Variants in ADAMTS15 observed in about 807,000 individuals in gnomAD.
ADAMTS15 encodes the protein ADAM metallopeptidase with thrombospondin type 1 motif 15.
A neutral mutation model predicts 79.1 loss-of-function variants in ADAMTS15; 35 were observed. The ratio of observed to expected loss-of-function variants is 0.44; its 90% CI spans 0.34 to 0.59. The LOEUF is 0.59. ADAMTS15 is among the 20% of genes least tolerant of loss of function. ADAMTS15 has a pLI of 0.02. For missense variants in ADAMTS15, 1,324 were observed against 1,318.7 expected, an observed-to-expected ratio of 1.00 and a Z score of -0.06; for synonymous variants, 616 against 567.3, an observed-to-expected ratio of 1.09 and a Z score of -1.22.
intron 5 of ADAMTS15, among the ~76,000 whole-genome samples, chr11:130,470,205 T>C (rs1443652802): frequency 3.8e-4 from 24 of 62,696 alleles, no homozygotes; most frequent in African/African-American, 1.6e-3. Flanking sequence ...TATATATATA[T>C]ATATGTATAT....
At position 130,470,838 on chromosome 11, in the gene ADAMTS15, G is replaced by A. The variant is rs1044658304; in HGVS notation, c.1721-82G>A. 6.8e-6 allele frequency: 10 copies of A among 1,474,196 alleles called. No homozygotes were observed. The East Asian group carries it at 1.1e-4, about 17-fold the overall frequency. 91.3% of individuals were successfully genotyped at this position (1,474,196 alleles called of 1,614,324 possible). The stretch of plus-strand genomic sequence containing the variant: ...GGGTGGGAAGGGCTAAGAGAGCCAC[G>A]GCAGGCTGGGAGGGAGGCTTGTCCT... On this transcript the variant is annotated intron_variant, in intron 5 of 7. Transcript: ENST00000299164.
chr11:130,464,928 C>T (rs926999111), intron 4 of ADAMTS15, among the ~76,000 whole-genome samples: 4 of 150,164 alleles, frequency 2.7e-5, no homozygotes, highest in Non-Finnish European at 5.9e-5. Flanking sequence ...GATCACGCCA[C>T]TGCACTCCAG....
intron 1 of ADAMTS15, chr11:130,450,207 G>T: frequency 1.0e-6 from 1 of 985,488 alleles, no homozygotes; most frequent in South Asian, 4.7e-5. Context: ...CAGGCGCCGA[G>T]GGGCCGGAAC....
chr11:130,467,724 T>C (rs778753258), intron 4 of ADAMTS15, among the ~76,000 whole-genome samples: 3 of 149,642 alleles, frequency 2.0e-5, no homozygotes, highest in Non-Finnish European at 4.4e-5. Flanking sequence ...GAAAACATCA[T>C]GGACAATGTA....
rs1382079438 is a variant in ADAMTS15, at chr11:130,462,536, T to C, written c.1298T>C (p.Leu433Pro). ...GACCAACCCAGCAAGCCCATCTCCC[T>C]GCCCGAGGATCTGCCGGGCGCCAGC... ...LLDQPSKPIS[L>P]PEDLPGASYT... Residue 433 changes from leucine to proline, a missense_variant, in exon 4 of 8, where the codon CTG becomes CCG. Leu to Pro is a moderately conservative substitution (Grantham distance 98, BLOSUM62 -3). Transcript: ENST00000299164. The surrounding 1 kb of genome is among the most constrained non-coding windows in gnomAD (Gnocchi z 4.3). 3 of 1,609,518 alleles carry C rather than the reference T, an allele frequency of 1.9e-6. No individual in the cohort carries two copies. The highest frequency in any genetic ancestry group is 2.5e-6 in the Non-Finnish European group (3 of 1,176,982).
At position 130,449,056 on chromosome 11, in the gene ADAMTS15, C is replaced by G. The variant is rs1402081604; in HGVS notation, c.83C>G (p.Pro28Arg). ...GSEPEREVVV[P>R]IRLDPDINGR... is the part of the protein sequence containing the mutation. ...GAGCCAGAGCGGGAGGTAGTCGTTC[C>G]CATCCGACTGGACCCGGACATTAAC... The change falls in exon 1 of 8, where the codon CCC becomes CGC. Residue 28 changes from proline (P) to arginine (R), a missense_variant. Physicochemically the swap from Pro to Arg is moderately radical, Grantham distance 103. Coordinates refer to ENST00000299164, the MANE Select transcript of ADAMTS15 (RefSeq NM_139055.4). The surrounding 1 kb of genome is among the most constrained non-coding windows in gnomAD (Gnocchi z 7.8). 4.5e-6 allele frequency: 7 copies of G among 1,554,472 alleles called. No individual in the cohort carries two copies. The South Asian group carries it at 7.3e-5, about 16-fold the overall frequency.
chr11:130,453,231 C>G (rs1350771315), intron 1 of ADAMTS15, among the ~76,000 whole-genome samples: 3 of 151,410 alleles, frequency 2.0e-5, no homozygotes, highest in African/African-American at 7.3e-5. Flanking sequence ...GCCCTCTCCT[C>G]CATTCCACTT....
At chr11:130,468,933 C>T (rs1349903944) in intron 4 of ADAMTS15, among the ~76,000 whole-genome samples, 1 of 122,724 alleles carries the variant, frequency 8.1e-6, no homozygotes, top group Non-Finnish European at 1.6e-5. Context: ...GGAGACTCCA[C>T]CTCAACAAAA....
At chr11:130,467,321 G>A (rs1938322052) in intron 4 of ADAMTS15, among the ~76,000 whole-genome samples, 1 of 152,118 alleles carries the variant, frequency 6.6e-6, no homozygotes, top group Non-Finnish European at 1.5e-5. Flanking sequence ...AGGCTCTGGG[G>A]AGTGAGTATG....
At chr11:130,450,467 G>T (rs1197654246) in intron 1 of ADAMTS15, 6 of 982,790 alleles carry the variant, frequency 6.1e-6, no homozygotes, top group Non-Finnish European at 7.2e-6. Flanking sequence ...CTGGATTGGG[G>T]TGGAGGGAAT....
intron 1 of ADAMTS15, among the ~76,000 whole-genome samples, chr11:130,456,193 G>A (rs746222103): frequency 8.5e-5 from 13 of 152,090 alleles, no homozygotes; most frequent in Admixed American, 7.2e-4. Context: ...TAAAACTCTC[G>A]CGACAGTCTG....
intron 1 of ADAMTS15, among the ~76,000 whole-genome samples, chr11:130,460,231 C>A (rs191008123): frequency 6.6e-6 from 1 of 151,052 alleles, no homozygotes; most frequent in Admixed American, 6.6e-5. Context: ...TTAAAGGCAG[C>A]GATGTAATGA....
At chr11:130,450,202 G>T (rs902468832) in intron 1 of ADAMTS15, 6 of 985,340 alleles carry the variant, frequency 6.1e-6, no homozygotes, top group African/African-American at 5.2e-5. Context: ...TGGATCAGGC[G>T]CCGAGGGGCC....
chr11:130,475,463 G>T lies in ADAMTS15; in HGVS notation c.*1642G>T, dbSNP rs1479346658. 1 of 152,242 alleles carries T rather than the reference G, an allele frequency of 6.6e-6. No individual in the cohort carries two copies. The highest frequency in any genetic ancestry group is 1.5e-5 in the Non-Finnish European group (1 of 68,072). The allele number at this position is 152,242 out of a possible 1,614,324, so 9.4% of individuals were successfully genotyped here. On this transcript the variant is annotated 3_prime_UTR_variant, in exon 8 of 8. Coordinates refer to ENST00000299164, the MANE Select transcript of ADAMTS15 (RefSeq NM_139055.4). ...TTCTGAGTGTAGGTGATGAATCCAGGTCCTCAGTGGAGAATTTTCTGGAGC... is the reference window on the plus strand; with the variant it reads ...TTCTGAGTGTAGGTGATGAATCCAGTTCCTCAGTGGAGAATTTTCTGGAGC...
At chr11:130,470,212 A>ATACG (rs1555081094) in intron 5 of ADAMTS15, among the ~76,000 whole-genome samples, 2 of 52,302 alleles carry the variant, frequency 3.8e-5, no homozygotes, top group African/African-American at 2.3e-4. Flanking sequence ...ATATATATGT[A>ATACG]TATATATATA....
In ADAMTS15 at chr11:130,473,042, G is replaced by C; in HGVS notation, c.2079-5G>C. On this transcript the variant is annotated splice_region_variant and splice_polypyrimidine_tract_variant and intron_variant, in intron 7 of 7. Coordinates refer to ENST00000299164, the MANE Select transcript of ADAMTS15 (RefSeq NM_139055.4). ...CTGATGCACGGCCCCCCTTTCCCCC[G>C]CCAGGCATGGCTACAATTTCGTGGT... 1.2e-6 allele frequency: 2 copies of C among 1,611,954 alleles called. No individual in the cohort carries two copies. Among genetic ancestry groups the C allele is most frequent in the Non-Finnish European group, 1.7e-6 (2 of 1,178,470 alleles).
chr11:130,463,527 G>A (rs141722548), intron 4 of ADAMTS15, among the ~76,000 whole-genome samples: 3 of 152,274 alleles, frequency 2.0e-5, no homozygotes, highest in African/African-American at 7.2e-5. Flanking sequence ...GGATCCTGGA[G>A]CTGACTGTCC....
intron 1 of ADAMTS15, 93 bp from the exon 2 acceptor site, chr11:130,461,396 G>T: frequency 2.6e-6 from 4 of 1,563,778 alleles, no homozygotes; most frequent in Non-Finnish European, 3.5e-6. Context: ...AGATGAGCTG[G>T]AATGTCCTAT....
At position 130,471,292 on chromosome 11, in the gene ADAMTS15, C is replaced by T. The variant is rs1938451258; in HGVS notation, c.1987C>T (p.Leu663=). The T allele has an allele frequency of 6.2e-7, 1 of 1,613,282 alleles. No individual in the cohort carries two copies. The highest frequency in any genetic ancestry group is 1.3e-5 in the African/African-American group (1 of 74,938). Residue 663 remains leucine (L), a synonymous_variant, in exon 7 of 8, where the codon CTG becomes TTG. Transcript: ENST00000299164. ...KCIKAGCDGN[L]GSKKRFDKCG... ...CATCAAGGCTGGCTGTGATGGGAAC[C>T]TGGGCTCCAAGAAGAGATTCGACAA...
Sources: gnomAD v4.1 joint callset for allele counts (sites outside exome capture counted in the v4.1 genomes callset) on GRCh38, gnomAD v4.1.1 for gene constraint, Gnocchi (gnomAD v3.1) non-coding constraint, MANE v1.5 for transcripts, NCBI Gene and HGNC (gene_info 2026-07-23, HGNC 2026-07-21) for gene names.